SMAD2: variants seen among roughly 807,000 people sequenced by gnomAD.
SMAD2 encodes the protein MAD homolog 2.
SMAD2 carries 8 observed loss-of-function variants against 64.4 expected under a neutral mutation model. The observed-to-expected ratio is 0.12, with a 90% CI of 0.07 to 0.22. SMAD2 has a LOEUF of 0.22. Among genes scored for constraint, SMAD2 ranks in the 10% least tolerant of loss-of-function variants. The pLI, the probability that SMAD2 is intolerant of heterozygous loss-of-function variation, is 1.00. For synonymous variants in SMAD2, 203 were observed against 195.8 expected (o/e 1.04, Z -0.31); for missense variants, 289 against 561.2 (o/e 0.51, Z 4.90).
chr18:47,812,257 CT>C lies in SMAD2; in HGVS notation c.*29569del, dbSNP rs900282525. 5.9e-5 allele frequency: 9 copies of C among 152,302 alleles called. No homozygotes were observed. Among genetic ancestry groups the C allele is most frequent in the African/African-American group, 2.2e-4 (9 of 41,564 alleles). The allele number at this position is 152,302 out of a possible 1,614,324, so 9.4% of individuals were successfully genotyped here. A position where few individuals can be genotyped will look rare whatever the true frequency, so the allele number is the denominator to read the frequency against. ...GATGGTTTTATAAAGGGGAGTTCCC[CT>C]ACACAAGCTCTCTCGCCTGATGCCA... is the stretch of plus-strand genomic sequence containing the variant. On this transcript the variant is annotated 3_prime_UTR_variant, in exon 11 of 11. Transcript: ENST00000262160.
intron 10 of SMAD2, among the ~76,000 whole-genome samples, chr18:47,843,072 G>C (rs1441523331): frequency 1.3e-5 from 2 of 152,124 alleles, no homozygotes; most frequent in Non-Finnish European, 2.9e-5. Flanking sequence ...GATGGTATCA[G>C]TGCCCCACTG....
At chr18:47,872,076 G>A (rs1396323253) in intron 2 of SMAD2, among the ~76,000 whole-genome samples, 1 of 152,154 alleles carries the variant, frequency 6.6e-6, no homozygotes, top group East Asian at 1.9e-4. Flanking sequence ...AGGAATCAGA[G>A]AAGAATAAAC....
intron 1 of SMAD2, among the ~76,000 whole-genome samples, chr18:47,928,222 A>G (rs2034846317): frequency 6.6e-6 from 1 of 152,318 alleles, no homozygotes; most frequent in Admixed American, 6.5e-5. Flanking sequence ...CTGCTACAAA[A>G]CGAGGTTTTT....
chr18:47,864,892 A>T (rs2031447261), intron 6 of SMAD2, among the ~76,000 whole-genome samples, 167 bp downstream of exon 6: 5 of 152,210 alleles, frequency 3.3e-5, no homozygotes, highest in Admixed American at 3.3e-4. Context: ...CAGTGACAAC[A>T]TGGACCTCTT....
rs1029340238 is a variant in SMAD2 at position 47,813,499 on chromosome 18, C to G, written c.*28328G>C. 2 of 151,034 alleles carry G rather than the reference C, an allele frequency of 1.3e-5. No individual in the cohort carries two copies. The highest frequency in any genetic ancestry group is 4.9e-5 in the African/African-American group (2 of 40,980). The allele number at this position is 151,034 out of a possible 1,614,324, so 9.4% of individuals were successfully genotyped here. On this transcript the variant is annotated 3_prime_UTR_variant, in exon 11 of 11. Transcript: ENST00000262160. Reference sequence around the variant, plus strand: ...TCGGCTCACTGCAACCTCTGCCTCCCGGGTTCATGCGATTCTCCTGCCTCA... The same window carrying G: ...TCGGCTCACTGCAACCTCTGCCTCCGGGGTTCATGCGATTCTCCTGCCTCA...
At chr18:47,917,358 T>C (rs1321553652) in intron 1 of SMAD2, among the ~76,000 whole-genome samples, 1 of 152,242 alleles carries the variant, frequency 6.6e-6, no homozygotes, top group Non-Finnish European at 1.5e-5. Context: ...AACTATGTCA[T>C]CATACTTTTA....
At chr18:47,880,517 C>T (rs912341311) in intron 2 of SMAD2, among the ~76,000 whole-genome samples, 1 of 152,184 alleles carries the variant, frequency 6.6e-6, no homozygotes, top group Admixed American at 6.5e-5. Flanking sequence ...ACTATGGCTT[C>T]AAGGTGAGTC....
At chr18:47,891,567 G>C (rs1388516918) in intron 2 of SMAD2, among the ~76,000 whole-genome samples, 1 of 150,674 alleles carries the variant, frequency 6.6e-6, no homozygotes, top group East Asian at 2.0e-4. Context: ...CCGGTATGGA[G>C]TGCAGTGGCT....
intron 2 of SMAD2, among the ~76,000 whole-genome samples, chr18:47,879,786 A>G (rs1246266135): frequency 1.3e-5 from 2 of 152,190 alleles, no homozygotes; most frequent in Non-Finnish European, 2.9e-5. Flanking sequence ...ACGATTTTAC[A>G]GTCCTCCCTC....
Position 47,850,017 on chromosome 18 carries a change from T to A in SMAD2, c.784+1257A>T, listed in dbSNP as rs573137030. ...GCAAGACTCTGTCTCAAAAAATAAA[T>A]AAAAATAAATACAATTTGTATTAGT... On this transcript the variant is annotated intron_variant, in intron 7 of 10. Transcript: ENST00000262160. 7.4e-4 allele frequency among the ~76,000 whole-genome samples: 111 copies of A among 150,154 alleles called. 2 individuals are homozygous for A. The highest frequency in any genetic ancestry group is 6.8e-3 in the Middle Eastern group (2 of 292).
chr18:47,824,917 T>C lies in SMAD2; in HGVS notation c.*16910A>G, dbSNP rs2144241597. 6.6e-6 allele frequency: 1 copy of C among 152,346 alleles called. No homozygotes were observed. The highest frequency in any genetic ancestry group is 3.4e-3 in the Middle Eastern group (1 of 294). 9.4% of individuals were successfully genotyped at this position (152,346 alleles called of 1,614,324 possible). A position where few individuals can be genotyped will look rare whatever the true frequency, so the allele number is the denominator to read the frequency against. On this transcript the variant is annotated 3_prime_UTR_variant, in exon 11 of 11. Transcript: ENST00000262160. ...ATTTTCCTTATGATTTTAGTAGCTTTCTCTAATGGAATGTGCTGTGAGTGA... is the reference window on the plus strand; with the variant it reads ...ATTTTCCTTATGATTTTAGTAGCTTCCTCTAATGGAATGTGCTGTGAGTGA...
At chr18:47,905,088 A>G (rs2144499742) in intron 1 of SMAD2, among the ~76,000 whole-genome samples, 1 of 152,342 alleles carries the variant, frequency 6.6e-6, no homozygotes, top group East Asian at 1.9e-4. Flanking sequence ...CTACAGTGAT[A>G]TGACTGTCTC....
chr18:47,842,744 A>C lies in SMAD2; in HGVS notation c.1281-794T>G, dbSNP rs80265106. On this transcript the variant is annotated intron_variant, in intron 10 of 10. Coordinates refer to ENST00000262160, the MANE Select transcript of SMAD2 (RefSeq NM_005901.6). ...AAACCCACACCACAGAGAGTGTTAAAAGCTGGAATTCAACTTTCCCTGCCA... is the reference window on the plus strand; with the variant it reads ...AAACCCACACCACAGAGAGTGTTAACAGCTGGAATTCAACTTTCCCTGCCA... 8.2e-3 allele frequency among the ~76,000 whole-genome samples: 1,246 copies of C among 152,270 alleles called. 18 individuals carry two copies. Among genetic ancestry groups the C allele is most frequent in the African/African-American group, 0.028 (1,162 of 41,546 alleles).
In SMAD2 at chr18:47,879,886, T is replaced by C. The variant is rs144004072; in HGVS notation, c.237-9322A>G. On this transcript the variant is annotated intron_variant, in intron 2 of 10. Transcript: ENST00000262160. ...CTTTAAATTATAGGTAGTCTGATGA[T>C]TGTGCAGTGGTATTTCATTGTGGTT... Among the ~76,000 whole-genome samples, 5 of 152,310 alleles carry C rather than the reference T, an allele frequency of 3.3e-5. No individual in the cohort carries two copies. In the East Asian group the frequency reaches 9.6e-4, roughly 29 times the overall value.
intron 6 of SMAD2, among the ~76,000 whole-genome samples, chr18:47,864,728 T>A (rs1368533913): frequency 6.6e-6 from 1 of 152,156 alleles, no homozygotes; most frequent in East Asian, 1.9e-4. Context: ...TATGGTTTTT[T>A]ATCACAGAGA....
rs955272706 is a variant in SMAD2 at position 47,832,417 on chromosome 18, TAAAAA to T, written c.*9405_*9409del. On this transcript the variant is annotated 3_prime_UTR_variant, in exon 11 of 11. Coordinates refer to ENST00000262160, the MANE Select transcript of SMAD2 (RefSeq NM_005901.6). ...TAAATTTTCTTGGGTTTCTTCCTAA[TAAAAA>T]AGTGTTGATAAAACTACACCAGTCC... is the stretch of plus-strand genomic sequence containing the variant. 6.6e-6 allele frequency: 1 copy of T among 152,146 alleles called. No homozygotes were observed. The highest frequency in any genetic ancestry group is 2.4e-5 in the African/African-American group (1 of 41,440). The allele number at this position is 152,146 out of a possible 1,614,324, so 9.4% of individuals were successfully genotyped here.
intron 2 of SMAD2, among the ~76,000 whole-genome samples, chr18:47,881,785 T>A (rs1253734440): frequency 6.6e-6 from 1 of 152,200 alleles, no homozygotes; most frequent in East Asian, 1.9e-4. Flanking sequence ...TTATCATGAA[T>A]GGATGATGAA....
At chr18:47,900,105 C>A (rs1432263276) in intron 1 of SMAD2, among the ~76,000 whole-genome samples, 2 of 152,074 alleles carry the variant, frequency 1.3e-5, no homozygotes, top group East Asian at 3.9e-4. Context: ...TACATATGTA[C>A]TTTAAGTTCT....
intron 1 of SMAD2, among the ~76,000 whole-genome samples, chr18:47,927,263 G>A (rs1598910567): frequency 6.6e-6 from 1 of 152,164 alleles, no homozygotes; most frequent in Middle Eastern, 3.4e-3. Context: ...TATAGACTGT[G>A]CAAAACTGGT....
Sources: gnomAD v4.1 joint callset for allele counts (sites outside exome capture counted in the v4.1 genomes callset) on GRCh38, gnomAD v4.1.1 for gene constraint, MANE v1.5 for transcripts, NCBI Gene and HGNC (gene_info 2026-07-23, HGNC 2026-07-21) for gene names.